EVI5: variants seen among roughly 807,000 people sequenced by gnomAD.
EVI5 encodes the protein ecotropic viral integration site 5, also known as ecotropic viral integration site 5 protein homolog.
Under a neutral mutation model 112.0 loss-of-function variants are expected in EVI5, and 73 were observed. That is an observed-to-expected ratio of 0.65 (90% confidence interval 0.54 to 0.79). The LOEUF (loss-of-function observed/expected upper bound fraction) is 0.79, where lower values mean the gene tolerates loss of function less well. Among genes scored for constraint, EVI5 ranks in the 30% least tolerant of loss-of-function variants. The pLI is 0.00. For synonymous variants in EVI5, 305 were observed against 319.9 expected, an observed-to-expected ratio of 0.95 and a Z score of 0.50; for missense variants, 900 against 968.8, an observed-to-expected ratio of 0.93 and a Z score of 0.94.
In EVI5 at chr1:92,513,839, T is replaced by C. The variant is rs200374814; in HGVS notation, c.2298A>G (p.Leu766=). The stretch of plus-strand genomic sequence containing the variant: ...AAGGAAAACCAACACCAGTTTCCTG[T>C]AAGGAATTATCTATAAAATCTTCAT... The part of the protein sequence containing the change: ...SSDEDFIDNS[L]QETGVGFPLH... Residue 766 remains leucine (L), a synonymous_variant, in exon 20 of 20, where the codon TTA becomes TTG. Transcript: ENST00000684568. 8.7e-5 allele frequency: 141 copies of C among 1,613,764 alleles called. No homozygotes were observed. Among genetic ancestry groups the C allele is most frequent in the Non-Finnish European group, 1.2e-4 (138 of 1,179,882 alleles).
At chr1:92,522,631 C>CAAAAAAAAAA (rs61277173) in intron 19 of EVI5, among the ~76,000 whole-genome samples, 1 of 70,478 alleles carries the variant, frequency 1.4e-5, no homozygotes, top group African/African-American at 6.4e-5. Flanking sequence ...ACTCCATCTC[C>CAAAAAAAAAA]AAAAAAAAAA....
intron 9 of EVI5, among the ~76,000 whole-genome samples, chr1:92,685,385 T>C (rs1236352235): frequency 1.3e-5 from 2 of 152,176 alleles, no homozygotes; most frequent in Non-Finnish European, 2.9e-5. Context: ...CCAGAATCTC[T>C]GGGACACATT....
At chr1:92,523,003 C>T (rs1443320842) in intron 19 of EVI5, among the ~76,000 whole-genome samples, 1 of 152,138 alleles carries the variant, frequency 6.6e-6, no homozygotes, top group Non-Finnish European at 1.5e-5. Flanking sequence ...AAGCAATTCC[C>T]TCACCTCAGC....
At chr1:92,515,914 T>C (rs1659785809) in intron 19 of EVI5, among the ~76,000 whole-genome samples, 2 of 152,140 alleles carry the variant, frequency 1.3e-5, no homozygotes, top group South Asian at 4.1e-4. Flanking sequence ...TTCAACTATA[T>C]TCCTGTGCCC....
At chr1:92,791,790 C>T (rs1312739457) in intron 1 of EVI5, among the ~76,000 whole-genome samples, 1 of 151,718 alleles carries the variant, frequency 6.6e-6, no homozygotes, top group Non-Finnish European at 1.5e-5. Flanking sequence ...ATTTTAGGAA[C>T]ATGATACTTT....
chr1:92,675,117 T>G (rs576273934), intron 10 of EVI5, among the ~76,000 whole-genome samples: 120 of 152,284 alleles, frequency 7.9e-4, no homozygotes, highest in African/African-American at 2.7e-3. Flanking sequence ...CCAATGCAGG[T>G]GGATCGCCTG....
At chr1:92,769,884 T>A (rs891544994) in intron 1 of EVI5, among the ~76,000 whole-genome samples, 40 of 151,898 alleles carry the variant, frequency 2.6e-4, no homozygotes, top group African/African-American at 9.7e-4. Context: ...GAGACTCCCA[T>A]CTCAACAACA....
chr1:92,714,226 A>G, intron 2 of EVI5: 2 of 666,112 alleles, frequency 3.0e-6, no homozygotes, highest in Non-Finnish European at 3.7e-6. Context: ...AAAACTATGA[A>G]AAGAAAAAAG....
chr1:92,624,043 G>A (rs1252319500), intron 16 of EVI5, 133 bp downstream of exon 16: 3 of 697,042 alleles, frequency 4.3e-6, no homozygotes, highest in Non-Finnish European at 7.2e-6. Context: ...ATCTTCATTT[G>A]GGCTAGAAAA....
chr1:92,632,614 CA>C (rs1420205555), intron 14 of EVI5, among the ~76,000 whole-genome samples: 1 of 152,068 alleles, frequency 6.6e-6, no homozygotes, highest in Non-Finnish European at 1.5e-5. Context: ...TTGATCTTTT[CA>C]AAAAACCAGC....
At position 92,630,824 on chromosome 1, in the gene EVI5, C is replaced by T. The variant is rs1302472620; in HGVS notation, c.1528-4890G>A. On this transcript the variant is annotated intron_variant, in intron 14 of 19. Transcript: ENST00000684568. ...TAGGTCTAACATTTAAATCTTTAAT[C>T]CATCTTGAATTAATTTTTGTATAAG... Among the ~76,000 whole-genome samples the T allele has an allele frequency of 3.9e-5, 6 of 152,268 alleles. No homozygotes were observed. The East Asian group carries it at 9.6e-4, about 24-fold the overall frequency.
chr1:92,758,539 C>T (rs1681308670), intron 1 of EVI5, among the ~76,000 whole-genome samples: 1 of 142,726 alleles, frequency 7.0e-6, no homozygotes. Flanking sequence ...CACTGCACTC[C>T]AGCCTGGGTG....
At chr1:92,731,563 A>T (rs1167737818) in intron 2 of EVI5, among the ~76,000 whole-genome samples, 1 of 152,196 alleles carries the variant, frequency 6.6e-6, no homozygotes, top group Admixed American at 6.6e-5. Flanking sequence ...TTGATTGTAA[A>T]ATTCATTTGG....
At chr1:92,668,571 A>G (rs1665314043) in intron 10 of EVI5, among the ~76,000 whole-genome samples, 1 of 152,196 alleles carries the variant, frequency 6.6e-6, no homozygotes, top group African/African-American at 2.4e-5. Context: ...ACTCATCTGG[A>G]TTTCCTTCCC....
chr1:92,716,520 G>C (rs1286844348), intron 2 of EVI5, among the ~76,000 whole-genome samples: 6 of 152,246 alleles, frequency 3.9e-5, no homozygotes, highest in Non-Finnish European at 7.3e-5. Context: ...GGAGAAACCA[G>C]AGCAGAAAAG....
intron 2 of EVI5, among the ~76,000 whole-genome samples, chr1:92,724,602 G>A (rs1047160525): frequency 4.6e-5 from 7 of 152,172 alleles, no homozygotes; most frequent in East Asian, 1.9e-4. Flanking sequence ...CAGCCCAGGC[G>A]TTCGAGACAA....
upstream of EVI5, among the ~76,000 whole-genome samples, chr1:92,788,390 C>T (rs1195961898): frequency 4.0e-5 from 6 of 151,864 alleles, no homozygotes; most frequent in Non-Finnish European, 7.4e-5. Flanking sequence ...AGGAGAATCA[C>T]TTGAACCCGG....
intron 1 of EVI5, among the ~76,000 whole-genome samples, chr1:92,782,289 A>T (rs1684970010): frequency 6.6e-6 from 1 of 151,946 alleles, no homozygotes; most frequent in Non-Finnish European, 1.5e-5. Context: ...ACACACACAC[A>T]CAAATTAAGA....
intron 9 of EVI5, among the ~76,000 whole-genome samples, chr1:92,693,251 T>G (rs998952024): frequency 6.6e-6 from 1 of 151,858 alleles, no homozygotes; most frequent in Non-Finnish European, 1.5e-5. Context: ...TGTGCTTTAG[T>G]AGAGACAGGG....
Sources: gnomAD v4.1 joint callset for allele counts (sites outside exome capture counted in the v4.1 genomes callset) on GRCh38, gnomAD v4.1.1 for gene constraint, MANE v1.5 for transcripts, NCBI Gene and HGNC (gene_info 2026-07-23, HGNC 2026-07-21) for gene names.